The following RGS6 variants were observed in gnomAD, a reference collection of about 807,000 sequenced individuals.
RGS6 encodes the protein regulator of G-protein signaling 6.
Under a neutral mutation model 78.5 loss-of-function variants are expected in RGS6, and 30 were observed. The observed-to-expected ratio is 0.38, with a 90% CI of 0.29 to 0.52. The LOEUF is 0.52. Among genes scored for constraint, RGS6 ranks in the 20% least tolerant of loss-of-function variants. The probability of loss-of-function intolerance (pLI) is 0.85; values close to 1 mark genes in which losing one functional copy is unlikely to be tolerated. For missense variants in RGS6, 495 were observed against 609.7 expected, an observed-to-expected ratio of 0.81 and a Z score of 1.98; for synonymous variants, 206 against 206.0, an observed-to-expected ratio of 1.00 and a Z score of 0.00.
intron 2 of RGS6, among the ~76,000 whole-genome samples, chr14:72,338,507 G>T (rs901883301): frequency 6.6e-6 from 1 of 152,234 alleles, no homozygotes; most frequent in Admixed American, 6.5e-5. Context: ...AATTAAGGGA[G>T]ATACACTTCA....
chr14:71,999,035 C>T (rs1468690893), intron 2 of RGS6, among the ~76,000 whole-genome samples: 1 of 151,794 alleles, frequency 6.6e-6, no homozygotes, highest in East Asian at 1.9e-4. Flanking sequence ...AGTTCTCCAG[C>T]CTGAGCAACA....
intron 2 of RGS6, among the ~76,000 whole-genome samples, chr14:72,181,357 C>T (rs1021026405): frequency 6.6e-6 from 1 of 152,200 alleles, no homozygotes; most frequent in African/African-American, 2.4e-5. Context: ...AATTGCTGTG[C>T]AGACAGTGTT....
intron 3 of RGS6, among the ~76,000 whole-genome samples, chr14:72,437,167 C>CAAAAAAAAAAA (rs71109735): frequency 4.0e-5 from 3 of 75,010 alleles, no homozygotes; most frequent in Admixed American, 1.6e-4. Flanking sequence ...ACTAAAAATA[C>CAAAAAAAAAAA]AAAAAAAAAA....
chr14:71,869,881 C>A, the RGS6 span, among the ~76,000 whole-genome samples: 1 of 152,122 alleles, frequency 6.6e-6, no homozygotes, highest in South Asian at 2.1e-4. Flanking sequence ...GTCTGATCAC[C>A]TTTTACTCTC....
At position 72,526,236 on chromosome 14, in the gene RGS6, T is replaced by C. The variant is rs2097116262; in HGVS notation, c.1278+7699T>C. Among the ~76,000 whole-genome samples the C allele has an allele frequency of 2.0e-5, 3 of 151,626 alleles. No homozygotes were observed. The South Asian group carries it at 6.3e-4, about 32-fold the overall frequency. Reference sequence around the variant, plus strand: ...CTCTTGCCTCAGCCTCCTGAGTAGCTGGGACTACAGGTACCTGCCACCACG... The same window carrying C: ...CTCTTGCCTCAGCCTCCTGAGTAGCCGGGACTACAGGTACCTGCCACCACG... On this transcript the variant is annotated intron_variant, in intron 15 of 17. Transcript: ENST00000553525.
At chr14:72,529,680 G>T (rs1206637826) in intron 15 of RGS6, among the ~76,000 whole-genome samples, 1 of 152,088 alleles carries the variant, frequency 6.6e-6, no homozygotes, top group Admixed American at 6.5e-5. Flanking sequence ...ACAGAATTAG[G>T]AGACATATTT....
intron 2 of RGS6, among the ~76,000 whole-genome samples, chr14:72,147,913 C>T (rs759996649): frequency 2.0e-5 from 3 of 152,026 alleles, no homozygotes; most frequent in Non-Finnish European, 4.4e-5. Context: ...GGGCAGATCA[C>T]GAAGTCAGGA....
At chr14:72,612,915 CA>C in the RGS6 span, among the ~76,000 whole-genome samples, 1 of 152,072 alleles carries the variant, frequency 6.6e-6, no homozygotes, top group Non-Finnish European at 1.5e-5. Flanking sequence ...AGGAAAGATG[CA>C]CCTTGCCTGG....
intron 2 of RGS6, among the ~76,000 whole-genome samples, chr14:72,164,281 G>C (rs2096894328): frequency 1.3e-5 from 2 of 152,202 alleles, no homozygotes; most frequent in Admixed American, 1.3e-4. Context: ...GAACTGTACT[G>C]CTCTACAGTG....
chr14:72,254,298 T>C (rs1270785841), intron 2 of RGS6, among the ~76,000 whole-genome samples: 1 of 152,240 alleles, frequency 6.6e-6, no homozygotes, highest in Non-Finnish European at 1.5e-5. Flanking sequence ...GGGTTAATTA[T>C]TGGACTCTTG....
In RGS6 at chr14:72,543,190, G is replaced by A. The variant is rs894515145; in HGVS notation, c.1422+3096G>A. Among the ~76,000 whole-genome samples, 3 of 152,218 alleles carry A rather than the reference G, an allele frequency of 2.0e-5. No homozygotes were observed. The East Asian group carries it at 5.8e-4, about 29-fold the overall frequency. ...AGGGCGCAACTAGCCTACCATGTAC[G>A]TTCATCCAAAATGGAAAACAAGACT... On this transcript the variant is annotated intron_variant, in intron 17 of 17. Coordinates refer to ENST00000553525, the MANE Select transcript of RGS6 (RefSeq NM_001204424.2).
chr14:72,440,996 T>A (rs2095174152), intron 3 of RGS6, among the ~76,000 whole-genome samples: 1 of 152,134 alleles, frequency 6.6e-6, no homozygotes, highest in African/African-American at 2.4e-5. Flanking sequence ...CAGGTGGGTA[T>A]GAGTTAGTGT....
intron 16 of RGS6, among the ~76,000 whole-genome samples, chr14:72,538,269 G>A (rs146658937): frequency 3.3e-5 from 5 of 152,304 alleles, no homozygotes; most frequent in South Asian, 2.1e-4. Context: ...CACAACCTCC[G>A]GCGGAGAGAG....
intron 6 of RGS6, 96 bp from the exon 7 acceptor site, chr14:72,465,654 ATGGATGGG>A: frequency 1.3e-6 from 1 of 763,276 alleles, no homozygotes; most frequent in Middle Eastern, 2.3e-4. Context: ...GGATGGATGG[ATGGATGGG>A]TGAATGGGTG....
chr14:72,225,359 G>A (rs2047876111), intron 2 of RGS6, among the ~76,000 whole-genome samples: 2 of 152,090 alleles, frequency 1.3e-5, no homozygotes, highest in Non-Finnish European at 2.9e-5. Flanking sequence ...GCCTCATGCT[G>A]TCACCCAGGC....
intron 2 of RGS6, among the ~76,000 whole-genome samples, chr14:72,265,492 G>C (rs545338160): frequency 1.2e-4 from 19 of 152,166 alleles, no homozygotes; most frequent in Non-Finnish European, 2.1e-4. Flanking sequence ...TGTCGTGTTT[G>C]TCTGTTTTTA....
At chr14:72,378,048 G>A (rs140075840) in intron 3 of RGS6, among the ~76,000 whole-genome samples, 80 of 152,222 alleles carry the variant, frequency 5.3e-4, no homozygotes, top group African/African-American at 1.9e-3. Flanking sequence ...CTGGATATCA[G>A]TAACAAGAGG....
chr14:72,238,506 C>T (rs973673582), intron 2 of RGS6, among the ~76,000 whole-genome samples: 5 of 152,250 alleles, frequency 3.3e-5, no homozygotes, highest in South Asian at 2.1e-4. Flanking sequence ...GCCACAGTTA[C>T]GGTCTTTGAG....
chr14:72,284,980 C>T (rs1322889964), intron 2 of RGS6, among the ~76,000 whole-genome samples: 6 of 152,024 alleles, frequency 3.9e-5, no homozygotes, highest in African/African-American at 1.4e-4. Context: ...ACCTTTAGCC[C>T]CCTCATTTTG....
Sources: gnomAD v4.1 joint callset for allele counts (sites outside exome capture counted in the v4.1 genomes callset) on GRCh38, gnomAD v4.1.1 for gene constraint, MANE v1.5 for transcripts, NCBI Gene and HGNC (gene_info 2026-07-23, HGNC 2026-07-21) for gene names.